The following KIF21A variants were observed in gnomAD, a reference collection of about 807,000 sequenced individuals.
KIF21A encodes the protein kinesin-like protein KIF21A.
In KIF21A, 114 loss-of-function variants were observed where a neutral mutation model predicts 202.9. The ratio of observed to expected loss-of-function variants is 0.56; its 90% CI spans 0.48 to 0.66. The LOEUF (loss-of-function observed/expected upper bound fraction) is 0.66. KIF21A is among the 30% of genes least tolerant of loss of function. The probability of loss-of-function intolerance (pLI) is 0.00; values close to 1 mark genes in which losing one functional copy is unlikely to be tolerated. For synonymous variants in KIF21A, 667 were observed against 670.8 expected (o/e 0.99, Z 0.09); for missense variants, 1,677 against 1,994.9 (o/e 0.84, Z 3.04).
At chr12:39,313,018 AAG>A (rs1944181309) in intron 31 of KIF21A, among the ~76,000 whole-genome samples, 1 of 151,996 alleles carries the variant, frequency 6.6e-6, no homozygotes, top group Admixed American at 6.6e-5. Context: ...TTCTTAATGA[AAG>A]AGAATAATCT....
chr12:39,442,918 T>G lies in KIF21A; in HGVS notation c.44+9A>C. ...CGCCCGCCGCCCGCCGCCGGCAGAC[T>G]GTCCTCACCTGACAGCCACCCGCAC... On this transcript the variant is annotated intron_variant, in intron 1 of 37. Transcript: ENST00000361418. The surrounding 1 kb of genome is among the most constrained non-coding windows in gnomAD (Gnocchi z 5.0). The G allele has an allele frequency of 6.6e-7, 1 of 1,523,622 alleles. No individual in the cohort carries two copies. Among genetic ancestry groups the G allele is most frequent in the Non-Finnish European group, 8.8e-7 (1 of 1,142,298 alleles). 94.4% of individuals were successfully genotyped at this position (1,523,622 alleles called of 1,614,324 possible). A position where few individuals can be genotyped will look rare whatever the true frequency, so the allele number is the denominator to read the frequency against.
intron 1 of KIF21A, among the ~76,000 whole-genome samples, chr12:39,429,516 G>A (rs1023122719): frequency 2.0e-5 from 3 of 152,144 alleles, no homozygotes; most frequent in African/African-American, 7.2e-5. Context: ...GTGAAGACTA[G>A]AAAGAATCTC....
At chr12:39,311,249 G>T (rs931105488) in intron 32 of KIF21A, among the ~76,000 whole-genome samples, 168 bp downstream of exon 32, 1 of 151,914 alleles carries the variant, frequency 6.6e-6, no homozygotes. Flanking sequence ...GGTTTTACTT[G>T]CTGCTCAACT....
intron 32 of KIF21A, 79 bp downstream of exon 32, chr12:39,311,338 G>C: frequency 3.0e-6 from 4 of 1,330,234 alleles, no homozygotes; most frequent in Non-Finnish European, 4.2e-6. Context: ...TAGTTTGACA[G>C]TTTTCTAGAA....
At chr12:39,310,865 G>A (rs1045286299) in intron 32 of KIF21A, among the ~76,000 whole-genome samples, 1 of 151,996 alleles carries the variant, frequency 6.6e-6, no homozygotes, top group African/African-American at 2.4e-5. Flanking sequence ...TTGAAGAAGG[G>A]TATACCTAGG....
At chr12:39,409,240 C>A (rs1007656596) in intron 1 of KIF21A, among the ~76,000 whole-genome samples, 1 of 151,722 alleles carries the variant, frequency 6.6e-6, no homozygotes, top group Non-Finnish European at 1.5e-5. Context: ...TAAGAAAGAG[C>A]CAGGTTTGGT....
Position 39,392,055 on chromosome 12 carries a change from A to C in KIF21A, c.45-21794T>G, listed in dbSNP as rs186320891. 1.7e-4 allele frequency among the ~76,000 whole-genome samples: 26 copies of C among 152,214 alleles called. No homozygotes were observed. In the East Asian group the frequency reaches 4.1e-3, roughly 24 times the overall value. ...ACCCAGCCTTAAACTGCAATTTTTT[A>C]AAAGAAGCGATTGATAAAGATGGAA... On this transcript the variant is annotated intron_variant, in intron 1 of 37. Coordinates refer to ENST00000361418, the MANE Select transcript of KIF21A (RefSeq NM_001173464.2).
At position 39,351,798 on chromosome 12, in the gene KIF21A, TTTC is replaced by T. The variant is rs1948405193; in HGVS notation, c.1649_1651del (p.Arg550del). ...CCACCTTTTTTTCTTCCTCTTTTCT[TTTC>T]TTTTCAACTTCTCTAAATCTTTTTT... On this transcript the variant is annotated inframe_deletion, in exon 11 of 38. Transcript: ENST00000361418. 1 of 1,579,952 alleles carries T rather than the reference TTTC, an allele frequency of 6.3e-7. No individual in the cohort carries two copies. Among genetic ancestry groups the T allele is most frequent in the African/African-American group, 1.3e-5 (1 of 74,112 alleles).
rs73268308 is a variant in KIF21A at position 39,379,651 on chromosome 12, T to C, written c.45-9390A>G. 8.4e-3 allele frequency among the ~76,000 whole-genome samples: 1,273 copies of C among 152,250 alleles called. 20 individuals are homozygous for C. Among genetic ancestry groups the C allele is most frequent in the African/African-American group, 0.029 (1,214 of 41,562 alleles). ...GCAATGGGAGGTATCAGTAGGACAT[T>C]AAGGGGAGGAGAGGAATGAGGTCAG... is the stretch of plus-strand genomic sequence containing the variant. On this transcript the variant is annotated intron_variant, in intron 1 of 37. Coordinates refer to ENST00000361418, the MANE Select transcript of KIF21A (RefSeq NM_001173464.2).
intron 1 of KIF21A, among the ~76,000 whole-genome samples, chr12:39,375,420 C>T (rs1950212422): frequency 1.3e-5 from 2 of 152,106 alleles, no homozygotes; most frequent in Admixed American, 6.6e-5. Context: ...CCAGACTGCT[C>T]TTTTCATGGA....
At chr12:39,359,452 C>G (rs10747767) in intron 7 of KIF21A, among the ~76,000 whole-genome samples, 150,889 of 152,316 alleles carry the variant, frequency 0.99, 74,746 homozygotes, top group East Asian at 1. Context: ...GGATTATCAA[C>G]TTTTATTTAT....
chr12:39,387,809 G>A (rs1051526626), intron 1 of KIF21A, among the ~76,000 whole-genome samples: 2 of 152,164 alleles, frequency 1.3e-5, no homozygotes, highest in African/African-American at 4.8e-5. Flanking sequence ...TGGATGAAAC[G>A]TGGTGAGGGA....
At chr12:39,363,477 T>C (rs1949386736) in intron 6 of KIF21A, among the ~76,000 whole-genome samples, 1 of 152,094 alleles carries the variant, frequency 6.6e-6, no homozygotes, top group African/African-American at 2.4e-5. Context: ...TTGACAACTT[T>C]AGTTACCCCT....
intron 29 of KIF21A, among the ~76,000 whole-genome samples, chr12:39,317,244 A>G (rs1182476898): frequency 6.6e-6 from 1 of 152,194 alleles, no homozygotes; most frequent in African/African-American, 2.4e-5. Context: ...CTAAGTTTAT[A>G]GAGCCATTTA....
chr12:39,310,315 AAC>A (rs1165808138), intron 32 of KIF21A, among the ~76,000 whole-genome samples: 1 of 152,114 alleles, frequency 6.6e-6, no homozygotes, highest in Non-Finnish European at 1.5e-5. Flanking sequence ...TCATTAGAAA[AAC>A]ACAGTATTTT....
intron 31 of KIF21A, chr12:39,312,064 G>C (rs1944084038): frequency 6.5e-6 from 1 of 153,164 alleles, no homozygotes; most frequent in African/African-American, 2.4e-5. Context: ...AGGGACAATG[G>C]GTTAAAAAGA....
chr12:39,435,801 T>C (rs1482718049), intron 1 of KIF21A, among the ~76,000 whole-genome samples: 1 of 152,162 alleles, frequency 6.6e-6, no homozygotes, highest in Non-Finnish European at 1.5e-5. Context: ...GTCTCAGGCC[T>C]GGAATTCACT....
chr12:39,295,167 C>T (rs371990432), intron 37 of KIF21A, among the ~76,000 whole-genome samples: 9 of 152,234 alleles, frequency 5.9e-5, no homozygotes, highest in South Asian at 2.1e-4. Context: ...AGATTAAAAG[C>T]GATTCTGATG....
At chr12:39,345,585 T>C (rs1371917512) in intron 12 of KIF21A, among the ~76,000 whole-genome samples, 3 of 151,824 alleles carry the variant, frequency 2.0e-5, no homozygotes, top group Non-Finnish European at 4.4e-5. Context: ...TTTAACTAAT[T>C]GCATAGTATA....
Sources: gnomAD v4.1 joint callset for allele counts (sites outside exome capture counted in the v4.1 genomes callset) on GRCh38, gnomAD v4.1.1 for gene constraint, Gnocchi (gnomAD v3.1) non-coding constraint, MANE v1.5 for transcripts, NCBI Gene and HGNC (gene_info 2026-07-23, HGNC 2026-07-21) for gene names.